PAH: variants seen among roughly 807,000 people sequenced by gnomAD.
PAH encodes the protein phenylalanine hydroxylase.
A neutral mutation model predicts 62.0 loss-of-function variants in PAH; 64 were observed. The observed-to-expected ratio is 1.03, with a 90% CI of 0.84 to 1.27. The LOEUF is 1.27. Among genes scored for constraint, PAH ranks in the 50% most tolerant of loss-of-function variants. The probability of loss-of-function intolerance (pLI) is 0.00; values close to 1 mark genes in which losing one functional copy is unlikely to be tolerated. For synonymous variants in PAH, 195 were observed against 196.2 expected (o/e 0.99, Z 0.05); for missense variants, 579 against 542.8 (o/e 1.07, Z -0.66).
intron 1 of PAH, among the ~76,000 whole-genome samples, chr12:102,914,958 C>G (rs1000789830): frequency 6.6e-6 from 1 of 152,172 alleles, no homozygotes; most frequent in Non-Finnish European, 1.5e-5. Context: ...TCGATCCAGC[C>G]TGACATTTTT....
chr12:102,863,574 T>A lies in PAH; in HGVS notation c.509+3022A>T, dbSNP rs1330654562. 6.6e-5 allele frequency among the ~76,000 whole-genome samples: 10 copies of A among 152,192 alleles called. No individual in the cohort carries two copies. The South Asian group carries it at 1.4e-3, about 22-fold the overall frequency. On this transcript the variant is annotated intron_variant, in intron 5 of 12. Transcript: ENST00000553106. ...GAGTCAGTGGACTCAATGCCAGAACTGTGGTTGACTTTGTTGGAAATAGAC... is the reference window on the plus strand; with the variant it reads ...GAGTCAGTGGACTCAATGCCAGAACAGTGGTTGACTTTGTTGGAAATAGAC...
intron 6 of PAH, chr12:102,853,285 A>G: frequency 5.7e-6 from 2 of 352,012 alleles, no homozygotes; most frequent in Non-Finnish European, 1.1e-5. Context: ...TTTCATTACC[A>G]TTTGTTAGGG....
At position 102,882,062 on chromosome 12, in the gene PAH, C is replaced by G. The variant is rs1258468452; in HGVS notation, c.353-4512G>C. The stretch of plus-strand genomic sequence containing the variant: ...CTGTTTTCCATAATGGCTGTGCCAA[C>G]TGACATCCCCACCAGCAGAGTACAA... On this transcript the variant is annotated intron_variant, in intron 3 of 12. Coordinates refer to ENST00000553106, the MANE Select transcript of PAH (RefSeq NM_000277.3). Among the ~76,000 whole-genome samples the G allele has an allele frequency of 2.0e-5, 3 of 152,210 alleles. 1 individual carries two copies. Among genetic ancestry groups the G allele is most frequent in the Non-Finnish European group, 4.4e-5 (3 of 68,034 alleles).
intron 2 of PAH, among the ~76,000 whole-genome samples, chr12:102,899,858 CAAAAA>C (rs1166069532): frequency 0.024 from 229 of 9,470 alleles, no homozygotes; most frequent in African/African-American, 0.073. Context: ...GACTCCGTCT[CAAAAA>C]AAAAAAAAAA....
intron 5 of PAH, among the ~76,000 whole-genome samples, chr12:102,856,485 G>C (rs1395854604): frequency 6.6e-6 from 1 of 152,154 alleles, no homozygotes; most frequent in Non-Finnish European, 1.5e-5. Context: ...GAAGAGAGTA[G>C]TGGTTCTCCC....
chr12:102,841,393 C>T (rs750941678), intron 11 of PAH, among the ~76,000 whole-genome samples: 5 of 152,278 alleles, frequency 3.3e-5, no homozygotes, highest in Non-Finnish European at 5.9e-5. Flanking sequence ...ACAGTAGGGA[C>T]CTCCAAGTTT....
At chr12:102,958,346 GGCCGCAGCCGCGGCGGCCGCAGCC>G (rs756714075) in exon 1 of PAH, 89 of 1,435,264 alleles carry the variant, frequency 6.2e-5, 2 homozygotes, top group Middle Eastern at 1.4e-3. Context: ...TCTTTGCCAC[GGCCGCAGCCGCGGCGGCCGCAGCC>G]GCCGCAGCGG....
intron 6 of PAH, chr12:102,853,398 T>C (rs912272921): frequency 7.2e-6 from 2 of 278,040 alleles, no homozygotes; most frequent in Non-Finnish European, 1.4e-5. Context: ...CCAGCTTCTG[T>C]ACTGCACCTC....
intron 1 of PAH, among the ~76,000 whole-genome samples, chr12:102,926,805 GTTATT>G (rs1233175421): frequency 6.6e-6 from 1 of 151,882 alleles, no homozygotes; most frequent in Non-Finnish European, 1.5e-5. Flanking sequence ...TGCTTTTAAT[GTTATT>G]TTATGTCCAT....
rs71097947 is a variant in PAH, at chr12:102,861,966, T to TAAAAAAAAAAAA, written c.509+4618_509+4629dup. Among the ~76,000 whole-genome samples, 21 of 128,396 alleles carry TAAAAAAAAAAAA rather than the reference T, an allele frequency of 1.6e-4. 1 individual carries two copies. Among genetic ancestry groups the TAAAAAAAAAAAA allele is most frequent in the African/African-American group, 2.5e-4 (9 of 36,650 alleles). The allele number at this position is 128,396 out of a possible 152,430, so 84.2% of individuals were successfully genotyped here. A position where few individuals can be genotyped will look rare whatever the true frequency, so the allele number is the denominator to read the frequency against. ...CACATGTACCCTAGAACTTAAAGTATAAAAAAAAAAAAAAAAGAAAGACTG... is the reference window on the plus strand; with the variant it reads ...CACATGTACCCTAGAACTTAAAGTATAAAAAAAAAAAAAAAAAAAAAAAAAAAAGAAAGACTG... On this transcript the variant is annotated intron_variant, in intron 5 of 12. Coordinates refer to ENST00000553106, the MANE Select transcript of PAH (RefSeq NM_000277.3).
rs182930186 is a variant in PAH at position 102,926,066 on chromosome 12, T to A, written c.-95-8841A>T. On this transcript the variant is annotated intron_variant, in intron 1 of 3. Transcript: ENST00000546844. The stretch of plus-strand genomic sequence containing the variant: ...AGATGTACTAAGTGCCAGGCACTGT[T>A]TATGATAAACAGGAGAGTCTACTCA... 5.4e-4 allele frequency among the ~76,000 whole-genome samples: 81 copies of A among 151,352 alleles called. 2 individuals carry two copies. In the East Asian group the frequency reaches 0.013, roughly 25 times the overall value.
rs745670264 is a variant in PAH, at chr12:102,844,438, T to C, written c.970-7A>G. 2.5e-6 allele frequency: 4 copies of C among 1,596,654 alleles called. No homozygotes were observed. The South Asian group carries it at 3.3e-5, about 13-fold the overall frequency. Reference sequence around the variant, plus strand: ...CCACAGTAAACCAGTAAATCTGGAATGGAAAGTCAATCTGAGAGCACACTC... The same window carrying C: ...CCACAGTAAACCAGTAAATCTGGAACGGAAAGTCAATCTGAGAGCACACTC... On this transcript the variant is annotated splice_polypyrimidine_tract_variant and splice_region_variant and intron_variant, in intron 9 of 12. Transcript: ENST00000553106.
At chr12:102,913,721 T>C in intron 1 of PAH, 1 of 680,148 alleles carries the variant, frequency 1.5e-6, no homozygotes, top group South Asian at 1.6e-5. Flanking sequence ...ACAAAATCCA[T>C]GAAAGTACAC....
At chr12:102,907,438 C>T (rs570185308) in intron 2 of PAH, among the ~76,000 whole-genome samples, 6 of 152,258 alleles carry the variant, frequency 3.9e-5, no homozygotes, top group African/African-American at 1.2e-4. Flanking sequence ...ATTACTCAAC[C>T]GCTCTGAACC....
At chr12:102,912,253 C>G (rs1878228579) in intron 2 of PAH, among the ~76,000 whole-genome samples, 1 of 152,074 alleles carries the variant, frequency 6.6e-6, no homozygotes, top group Non-Finnish European at 1.5e-5. Flanking sequence ...AAGACATTTA[C>G]CAATGTCTTG....
chr12:102,861,031 A>G (rs1192317488), intron 5 of PAH, among the ~76,000 whole-genome samples: 8 of 152,230 alleles, frequency 5.3e-5, no homozygotes, highest in African/African-American at 1.9e-4. Context: ...AGAAACTACC[A>G]TCAGAGTGAA....
chr12:102,944,728 T>C (rs566685907), intron 1 of PAH, among the ~76,000 whole-genome samples: 43 of 152,354 alleles, frequency 2.8e-4, no homozygotes, highest in African/African-American at 1.0e-3. Flanking sequence ...GTCACATATC[T>C]CTGTCTCTGC....
At chr12:102,937,373 A>G (rs979219442) in intron 1 of PAH, among the ~76,000 whole-genome samples, 3 of 151,652 alleles carry the variant, frequency 2.0e-5, no homozygotes, top group Non-Finnish European at 4.4e-5. Flanking sequence ...GCAGTTTTCT[A>G]TGGTGGTATG....
rs62642944 is a variant in PAH at position 102,852,868 on chromosome 12, G to C, written c.789C>G (p.Phe263Leu). Residue 263 changes from phenylalanine to leucine, a missense_variant, in exon 7 of 13, where the codon TTC (phenylalanine) becomes TTG (leucine). By Grantham distance (22) the Phe-to-Leu change is conservative. Transcript: ENST00000553106. ...DFLGGLAFRV[F>L]HCTQYIRHGS... The stretch of plus-strand genomic sequence containing the variant: ...CATGTCTGATGTACTGTGTGCAGTG[G>C]AAGACTCGGAAGGCCAGGCCACCCA... 12 of 1,614,138 alleles carry C rather than the reference G, an allele frequency of 7.4e-6. No homozygotes were observed. Among genetic ancestry groups the C allele is most frequent in the Non-Finnish European group, 9.3e-6 (11 of 1,180,010 alleles).
Sources: allele counts gnomAD v4.1 joint callset (sites outside exome capture counted in the v4.1 genomes callset), GRCh38; gene constraint gnomAD v4.1.1; transcripts MANE v1.5; gene names NCBI Gene and HGNC (gene_info 2026-07-23, HGNC 2026-07-21).